ESRRG: variants seen among roughly 807,000 people sequenced by gnomAD.
ESRRG encodes the protein estrogen-related receptor gamma.
A neutral mutation model predicts 44.0 loss-of-function variants in ESRRG; 13 were observed. That is an observed-to-expected ratio of 0.30 (90% CI 0.19 to 0.47). ESRRG has a LOEUF of 0.47. Among genes scored for constraint, ESRRG ranks in the 20% least tolerant of loss-of-function variants. The pLI is 1.00. For missense variants in ESRRG, 395 were observed against 580.6 expected, an observed-to-expected ratio of 0.68 and a Z score of 3.29; for synonymous variants, 215 against 214.6, an observed-to-expected ratio of 1.00 and a Z score of -0.02.
intron 2 of ESRRG, among the ~76,000 whole-genome samples, chr1:216,667,147 G>A (rs917549984): frequency 2.0e-5 from 3 of 152,178 alleles, no homozygotes; most frequent in Admixed American, 6.5e-5. Context: ...TACTCCGTCC[G>A]AGGACACTAG....
Position 216,555,022 on chromosome 1 carries a change from C to T in ESRRG, c.862+9197G>A, listed in dbSNP as rs1354727494. 2.0e-5 allele frequency among the ~76,000 whole-genome samples: 3 copies of T among 152,126 alleles called. No homozygotes were observed. In the East Asian group the frequency reaches 5.8e-4, roughly 29 times the overall value. On this transcript the variant is annotated intron_variant, in intron 5 of 6. Transcript: ENST00000408911. ...CCAAGTGTCCATATTGAGTTCAGTT[C>T]AACTCCCTTTCTCTTTTCTTCATCC... is the stretch of plus-strand genomic sequence containing the variant.
intron 2 of ESRRG, among the ~76,000 whole-genome samples, chr1:216,778,543 C>T (rs2093696813): frequency 6.6e-6 from 1 of 151,888 alleles, no homozygotes; most frequent in Admixed American, 6.6e-5. Flanking sequence ...AGTCAAGCAG[C>T]AGTCTCTAAT....
chr1:216,673,108 G>C (rs767937620), intron 2 of ESRRG, among the ~76,000 whole-genome samples: 1 of 151,944 alleles, frequency 6.6e-6, no homozygotes, highest in Admixed American at 6.6e-5. Context: ...GGGAGGGAGA[G>C]ACTACGATCT....
At chr1:216,982,919 C>T (rs1285944374) in intron 1 of ESRRG, among the ~76,000 whole-genome samples, 1 of 151,930 alleles carries the variant, frequency 6.6e-6, no homozygotes, top group Non-Finnish European at 1.5e-5. Flanking sequence ...CACAAGATAA[C>T]ATGAGTCATC....
chr1:216,519,032 A>G (rs1013436615), intron 6 of ESRRG, 120 bp downstream of exon 6: 2 of 774,578 alleles, frequency 2.6e-6, no homozygotes, highest in African/African-American at 3.5e-5. Flanking sequence ...ACTGATTATA[A>G]TTTTGCTGAC....
At chr1:216,567,910 C>A in intron 4 of ESRRG, 78 bp downstream of exon 4, 1 of 874,376 alleles carries the variant, frequency 1.1e-6, no homozygotes, top group South Asian at 1.4e-5. Context: ...TAGGGATGGG[C>A]ATGCCAAAGC....
chr1:216,948,740 G>A (rs1346593759), intron 1 of ESRRG, among the ~76,000 whole-genome samples: 3 of 152,114 alleles, frequency 2.0e-5, no homozygotes, highest in Non-Finnish European at 4.4e-5. Flanking sequence ...GTTCAAGTGG[G>A]TGTTTGTTTA....
At chr1:217,001,745 C>T (rs1043479943) in intron 1 of ESRRG, among the ~76,000 whole-genome samples, 11 of 151,986 alleles carry the variant, frequency 7.2e-5, no homozygotes, top group African/African-American at 1.9e-4. Flanking sequence ...AGGTAGGGGC[C>T]GGTTCACATA....
chr1:216,742,139 C>T (rs2090823885), intron 2 of ESRRG, among the ~76,000 whole-genome samples: 1 of 152,198 alleles, frequency 6.6e-6, no homozygotes, highest in Non-Finnish European at 1.5e-5. Flanking sequence ...GGTATCACAG[C>T]CTTCACGTAA....
intron 1 of ESRRG, among the ~76,000 whole-genome samples, chr1:217,102,274 A>G (rs1013103409): frequency 6.6e-6 from 1 of 152,238 alleles, no homozygotes; most frequent in African/African-American, 2.4e-5. Flanking sequence ...GGGTTCAATC[A>G]GCAAGTAAGT....
At chr1:216,679,127 GA>G (rs1363907396) in intron 1 of ESRRG, among the ~76,000 whole-genome samples, 3 of 152,152 alleles carry the variant, frequency 2.0e-5, no homozygotes, top group African/African-American at 7.2e-5. Context: ...AAGCAAATAG[GA>G]AGGCGAAAGC....
At chr1:216,991,921 T>C (rs538728287) in intron 1 of ESRRG, among the ~76,000 whole-genome samples, 2 of 152,204 alleles carry the variant, frequency 1.3e-5, no homozygotes, top group Non-Finnish European at 2.9e-5. Context: ...TGTAAATCAC[T>C]TTGCCCAAGT....
chr1:217,057,226 A>G (rs1234371477), intron 1 of ESRRG, among the ~76,000 whole-genome samples: 1 of 152,164 alleles, frequency 6.6e-6, no homozygotes, highest in Non-Finnish European at 1.5e-5. Flanking sequence ...AGCATCTACC[A>G]TATCTACCAT....
chr1:217,102,582 A>C (rs1374032767), intron 1 of ESRRG, among the ~76,000 whole-genome samples: 1 of 152,190 alleles, frequency 6.6e-6, no homozygotes, highest in Non-Finnish European at 1.5e-5. Flanking sequence ...CACACTTTTA[A>C]AAAGTTAAAA....
intron 2 of ESRRG, among the ~76,000 whole-genome samples, chr1:216,797,618 T>A (rs185582629): frequency 2.6e-4 from 40 of 152,290 alleles, no homozygotes; most frequent in African/African-American, 8.9e-4. Context: ...TGGTCAGGTC[T>A]TTTGTAGAAT....
chr1:216,922,745 G>C (rs932122557), intron 2 of ESRRG, among the ~76,000 whole-genome samples: 1 of 152,148 alleles, frequency 6.6e-6, no homozygotes, highest in Non-Finnish European at 1.5e-5. Flanking sequence ...ACTTTCTAAT[G>C]AACCACAACT....
At chr1:216,741,077 G>A (rs183644996) in intron 2 of ESRRG, among the ~76,000 whole-genome samples, 48 of 150,062 alleles carry the variant, frequency 3.2e-4, no homozygotes, top group African/African-American at 9.1e-4. Flanking sequence ...TCACGCCCCC[G>A]TCCCCATATG....
chr1:216,577,616 C>T (rs1203722164), intron 3 of ESRRG, among the ~76,000 whole-genome samples: 1 of 151,914 alleles, frequency 6.6e-6, no homozygotes, highest in Non-Finnish European at 1.5e-5. Flanking sequence ...ATTCAATGCC[C>T]TGTAAAATGA....
chr1:217,063,531 T>C (rs907340185), intron 1 of ESRRG, among the ~76,000 whole-genome samples: 3 of 152,154 alleles, frequency 2.0e-5, no homozygotes, highest in South Asian at 2.1e-4. Context: ...ACGTGGGGCC[T>C]ACCATAAAAA....
Sources: allele counts gnomAD v4.1 joint callset (sites outside exome capture counted in the v4.1 genomes callset), GRCh38; gene constraint gnomAD v4.1.1; transcripts MANE v1.5; gene names NCBI Gene and HGNC (gene_info 2026-07-23, HGNC 2026-07-21).